Variants in RIN3 observed in about 807,000 individuals in gnomAD.
The protein encoded by RIN3 is RAB5 interacting protein 3.
RIN3 carries 54 observed loss-of-function variants against 76.3 expected under a neutral mutation model. The observed-to-expected ratio is 0.71, with a 90% CI of 0.57 to 0.89. The LOEUF (loss-of-function observed/expected upper bound fraction) is 0.89. Ranked by LOEUF, RIN3 falls within the 40% of genes least tolerant of loss-of-function variation. The probability of loss-of-function intolerance (pLI) is 0.00; values close to 1 mark genes in which losing one functional copy is unlikely to be tolerated. For missense variants in RIN3, 1,256 were observed against 1,322.1 expected (o/e 0.95, Z 0.78); for synonymous variants, 576 against 564.0 (o/e 1.02, Z -0.30).
At chr14:92,561,038 A>AT (rs1555383834) in intron 2 of RIN3, among the ~76,000 whole-genome samples, 9 of 14,620 alleles carry the variant, frequency 6.2e-4, no homozygotes, top group African/African-American at 1.2e-3. Context: ...AAAAAAAAAA[A>AT]AAAAAAATAT....
intron 6 of RIN3, among the ~76,000 whole-genome samples, chr14:92,653,434 C>T (rs1300875445): frequency 6.6e-6 from 1 of 152,226 alleles, no homozygotes; most frequent in Non-Finnish European, 1.5e-5. Flanking sequence ...CCGGCGAGAT[C>T]TGGCTGAGGC....
At chr14:92,575,039 AG>A (rs1189758523) in intron 2 of RIN3, among the ~76,000 whole-genome samples, 1 of 152,180 alleles carries the variant, frequency 6.6e-6, no homozygotes, top group African/African-American at 2.4e-5. Context: ...TAGGTTTAAG[AG>A]GAGAATTAAG....
At chr14:92,584,500 T>C (rs1161875396) in intron 3 of RIN3, among the ~76,000 whole-genome samples, 2 of 152,202 alleles carry the variant, frequency 1.3e-5, no homozygotes, top group African/African-American at 2.4e-5. Flanking sequence ...ACAAGCATTA[T>C]GTGAACAACC....
Position 92,513,966 on chromosome 14 carries a change from G to C in RIN3, c.34G>C (p.Asp12His), listed in dbSNP as rs1431487030. The change falls in exon 1 of 10, where the codon GAC becomes CAC. Residue 12 changes from aspartate to histidine, a missense_variant. By Grantham distance (81) the Asp-to-His change is moderately conservative. Around this residue, in one of 3 missense-constraint regions of RIN3, gnomAD observed 610 missense variants for 626.4 expected, o/e 0.97. Transcript: ENST00000216487. Reference sequence around the variant, plus strand: ...ACACGCCGGGGCGCCCGCGCGCGGGGACCCCACGGGGTAAGTCCGGGCGGC... The same window carrying C: ...ACACGCCGGGGCGCCCGCGCGCGGGCACCCCACGGGGTAAGTCCGGGCGGC... ...IRHAGAPARG[D>H]PTGPVPVVGK... is the part of the protein sequence containing the mutation. 3.2e-6 allele frequency: 4 copies of C among 1,244,606 alleles called. No individual in the cohort carries two copies. The highest frequency in any genetic ancestry group is 4.0e-6 in the Non-Finnish European group (4 of 994,464). The allele number at this position is 1,244,606 out of a possible 1,614,324, so 77.1% of individuals were successfully genotyped here.
In RIN3 at chr14:92,641,106, A is replaced by G. The variant is rs889468088; in HGVS notation, c.441-132A>G. Reference sequence around the variant, plus strand: ...CCTTCTGCCTCAGAGTCTGCCCCTCAGCTCCAGGGAAGCTTCCAGGCTGTA... The same window carrying G: ...CCTTCTGCCTCAGAGTCTGCCCCTCGGCTCCAGGGAAGCTTCCAGGCTGTA... On this transcript the variant is annotated intron_variant, in intron 4 of 9. Coordinates refer to ENST00000216487, the MANE Select transcript of RIN3 (RefSeq NM_024832.5). The G allele has an allele frequency of 1.8e-5, 12 of 682,262 alleles. No individual in the cohort carries two copies. The African/African-American group carries it at 2.1e-4, about 12-fold the overall frequency. The allele number at this position is 682,262 out of a possible 1,614,324, so 42.3% of individuals were successfully genotyped here.
At position 92,615,389 on chromosome 14, in the gene RIN3, CT is replaced by C; in HGVS notation, c.368-16del. The C allele has an allele frequency of 6.2e-7, 1 of 1,612,782 alleles. No individual in the cohort carries two copies. The highest frequency in any genetic ancestry group is 2.2e-5 in the East Asian group (1 of 44,866). On this transcript the variant is annotated splice_polypyrimidine_tract_variant and intron_variant, in intron 3 of 9. Transcript: ENST00000216487. ...CAGGATACTCACCTCACCCAGGGCC[CT>C]TCTTGTGTCTCCCCAGTATTGTACC...
In RIN3 at chr14:92,652,220, G is replaced by A. The variant is rs145578489; in HGVS notation, c.1171G>A (p.Val391Ile). ...TCCCACTGCCCCTCCCAGACGCCGC[G>A]TTTCCGAGAGGGTGTCCTTAGAAGA... is the stretch of plus-strand genomic sequence containing the variant. ...NLPTAPPRRR[V>I]SERVSLEDQS... is the part of the protein sequence containing the mutation. The change falls in exon 6 of 10, where the codon GTT becomes ATT. Residue 391 changes from valine (V) to isoleucine (I), a missense_variant. This residue lies in a region of RIN3 where 610 missense variants were observed against 626.4 expected (regional missense o/e 0.97). Transcript: ENST00000216487. The surrounding 1 kb of genome is among the most constrained non-coding windows in gnomAD (Gnocchi z 6.4). 380 of 1,608,162 alleles carry A rather than the reference G, an allele frequency of 2.4e-4. 1 individual carries two copies. Among genetic ancestry groups the A allele is most frequent in the African/African-American group, 2.4e-3 (176 of 74,826 alleles).
intron 2 of RIN3, among the ~76,000 whole-genome samples, chr14:92,569,315 G>A (rs115417620): frequency 9.3e-4 from 141 of 152,312 alleles, no homozygotes; most frequent in African/African-American, 3.2e-3. Flanking sequence ...CTCAGTGAGC[G>A]TCCTGTTGGG....
At position 92,685,084 on chromosome 14, in the gene RIN3, C is replaced by T. The variant is rs759572862; in HGVS notation, c.2565C>T (p.Asp855=). ...GGCAGCTGAGTGTGGAGGTGCAGGA[C>T]TCCATCCACCGCTGGGAGCGCCGGC... The part of the protein sequence containing the change: ...VTRQLSVEVQ[D]SIHRWERRRT... The change falls in exon 9 of 10, where the codon GAC becomes GAT. Residue 855 remains aspartate (D), a synonymous_variant. Coordinates refer to ENST00000216487, the MANE Select transcript of RIN3 (RefSeq NM_024832.5). The surrounding 1 kb of genome is among the most constrained non-coding windows in gnomAD (Gnocchi z 4.7). 9.9e-6 allele frequency: 16 copies of T among 1,613,856 alleles called. No individual in the cohort carries two copies. The East Asian group carries it at 3.1e-4, about 31-fold the overall frequency.
chr14:92,631,229 G>T (rs1886568963), intron 4 of RIN3, among the ~76,000 whole-genome samples: 1 of 152,138 alleles, frequency 6.6e-6, no homozygotes, highest in Non-Finnish European at 1.5e-5. Flanking sequence ...GGGCCCGGGG[G>T]GCTGGGCTGG....
intron 7 of RIN3, among the ~76,000 whole-genome samples, chr14:92,668,100 C>T (rs1489607210): frequency 4.6e-5 from 7 of 152,222 alleles, no homozygotes; most frequent in Non-Finnish European, 8.8e-5. Context: ...ATCCTCACAA[C>T]CACTCCAGGG....
intron 7 of RIN3, among the ~76,000 whole-genome samples, chr14:92,660,619 TG>T (rs1887847518): frequency 6.6e-6 from 1 of 152,262 alleles, no homozygotes; most frequent in African/African-American, 2.4e-5. Flanking sequence ...CATCGAGGCC[TG>T]GCCCTGAACT....
intron 8 of RIN3, among the ~76,000 whole-genome samples, chr14:92,684,378 A>G (rs537079471): frequency 2.7e-4 from 29 of 107,306 alleles, no homozygotes; most frequent in African/African-American, 1.1e-3. Context: ...ACAGAGCCAG[A>G]CTTAGACAAA....
intron 3 of RIN3, among the ~76,000 whole-genome samples, chr14:92,613,185 T>A (rs1338219766): frequency 1.3e-5 from 2 of 152,110 alleles, no homozygotes; most frequent in East Asian, 3.9e-4. Context: ...AACCTCTGTC[T>A]CCCCTCTCTG....
rs1324990452 is a variant in RIN3, at chr14:92,561,020, T to TAAA, written c.249+5088_249+5090dup. Among the ~76,000 whole-genome samples the TAAA allele has an allele frequency of 2.7e-3, 64 of 23,632 alleles. 3 individuals carry two copies. The highest frequency in any genetic ancestry group is 5.4e-3 in the South Asian group (3 of 560). The allele number at this position is 23,632 out of a possible 152,430, so 15.5% of individuals were successfully genotyped here. A position where few individuals can be genotyped will look rare whatever the true frequency, so the allele number is the denominator to read the frequency against. The stretch of plus-strand genomic sequence containing the variant: ...TGGGCAACAAGAGCGAAACTCTGTC[T>TAAA]AAAAAAAAAAAAAAAAAAAAAAAAA... On this transcript the variant is annotated intron_variant, in intron 2 of 9. Coordinates refer to ENST00000216487, the MANE Select transcript of RIN3 (RefSeq NM_024832.5).
At chr14:92,602,095 G>A (rs941967266) in intron 3 of RIN3, among the ~76,000 whole-genome samples, 2 of 152,232 alleles carry the variant, frequency 1.3e-5, no homozygotes, top group African/African-American at 2.4e-5. Flanking sequence ...TGAAGCATGC[G>A]AGATGGTCCA....
chr14:92,617,168 C>T (rs1464904581), intron 4 of RIN3, among the ~76,000 whole-genome samples: 2 of 151,936 alleles, frequency 1.3e-5, no homozygotes, highest in Non-Finnish European at 2.9e-5. Flanking sequence ...GGCGTAGTGG[C>T]GGGCGCCTGT....
chr14:92,629,086 T>C (rs1016491032), intron 4 of RIN3, among the ~76,000 whole-genome samples: 17 of 150,916 alleles, frequency 1.1e-4, no homozygotes, highest in Non-Finnish European at 2.1e-4. Context: ...ATTTAGGCGC[T>C]GCCCACCAAG....
intron 1 of RIN3, among the ~76,000 whole-genome samples, chr14:92,546,088 G>A (rs2140022580): frequency 6.6e-6 from 1 of 152,054 alleles, no homozygotes; most frequent in East Asian, 1.9e-4. Context: ...ACCACATCTG[G>A]TAATTTTTGT....
Sources: gnomAD v4.1 joint callset for allele counts (sites outside exome capture counted in the v4.1 genomes callset) on GRCh38, gnomAD v4.1.1 for gene constraint, gnomAD v4.1.1 regional missense constraint, Gnocchi (gnomAD v3.1) non-coding constraint, MANE v1.5 for transcripts, NCBI Gene and HGNC (gene_info 2026-07-23, HGNC 2026-07-21) for gene names.